Variants in KHDRBS2 observed in about 807,000 individuals in gnomAD.
KHDRBS2 encodes the protein KH RNA binding domain containing, signal transduction associated 2.
In KHDRBS2, 26 loss-of-function variants were observed where a neutral mutation model predicts 44.3. That is an observed-to-expected ratio of 0.59 (90% CI 0.43 to 0.81). KHDRBS2 has a LOEUF of 0.81. KHDRBS2 is among the 40% of genes least tolerant of loss of function. The pLI, the probability that KHDRBS2 is intolerant of heterozygous loss-of-function variation, is 0.00. For synonymous variants in KHDRBS2, 194 were observed against 151.1 expected (o/e 1.28, Z -2.08); for missense variants, 476 against 433.1 (o/e 1.10, Z -0.88).
chr6:62,030,695 C>T (rs1784190802), intron 3 of KHDRBS2, among the ~76,000 whole-genome samples: 1 of 151,970 alleles, frequency 6.6e-6, no homozygotes, highest in African/African-American at 2.4e-5. Context: ...TACTTTCTAA[C>T]TTTCTAAAAA....
chr6:61,703,468 C>A (rs1177018149), intron 7 of KHDRBS2, among the ~76,000 whole-genome samples: 1 of 151,668 alleles, frequency 6.6e-6, no homozygotes, highest in East Asian at 1.9e-4. Context: ...AGGGGGTATT[C>A]TTAAATTTTG....
intron 2 of KHDRBS2, among the ~76,000 whole-genome samples, chr6:62,128,836 T>C (rs1466470292): frequency 2.0e-5 from 3 of 151,984 alleles, no homozygotes; most frequent in Non-Finnish European, 2.9e-5. Flanking sequence ...AGCCAACATA[T>C]AGATTAATAT....
chr6:62,250,180 T>A (rs1054686294), intron 1 of KHDRBS2, among the ~76,000 whole-genome samples: 2 of 152,082 alleles, frequency 1.3e-5, no homozygotes, highest in South Asian at 4.1e-4. Context: ...AGTTCACTTA[T>A]AAAAGAGGAC....
At chr6:62,280,633 T>A (rs1841666827) in intron 1 of KHDRBS2, among the ~76,000 whole-genome samples, 1 of 152,174 alleles carries the variant, frequency 6.6e-6, no homozygotes, top group Non-Finnish European at 1.5e-5. Flanking sequence ...ACTAGTATTA[T>A]CAGAAGTTTG....
intron 6 of KHDRBS2, among the ~76,000 whole-genome samples, chr6:61,763,787 C>T (rs966766856): frequency 2.0e-5 from 3 of 152,074 alleles, no homozygotes; most frequent in Non-Finnish European, 4.4e-5. Context: ...CTCTGCACAA[C>T]TGGGCTGATA....
chr6:61,779,235 T>G (rs1370389643), intron 6 of KHDRBS2, among the ~76,000 whole-genome samples: 1 of 152,164 alleles, frequency 6.6e-6, no homozygotes, highest in Non-Finnish European at 1.5e-5. Flanking sequence ...TATATAGTCT[T>G]TCTTGGATCC....
chr6:61,933,026 C>T (rs764906237), intron 4 of KHDRBS2, among the ~76,000 whole-genome samples: 11 of 152,062 alleles, frequency 7.2e-5, no homozygotes, highest in South Asian at 2.1e-4. Flanking sequence ...AAAGAAATAC[C>T]GGAAACTGGG....
chr6:62,123,551 CCTA>C (rs540837456), intron 2 of KHDRBS2, among the ~76,000 whole-genome samples: 2 of 152,248 alleles, frequency 1.3e-5, no homozygotes, highest in East Asian at 1.9e-4. Flanking sequence ...TTTAATCCTG[CCTA>C]CTGTTTTGTA....
At chr6:62,041,611 G>A (rs1786542420) in intron 3 of KHDRBS2, among the ~76,000 whole-genome samples, 1 of 152,022 alleles carries the variant, frequency 6.6e-6, no homozygotes, top group Admixed American at 6.6e-5. Context: ...GTGACAATGA[G>A]GACAAGTTAC....
chr6:61,785,190 G>C (rs1783607672), intron 6 of KHDRBS2, among the ~76,000 whole-genome samples: 1 of 151,212 alleles, frequency 6.6e-6, no homozygotes, highest in African/African-American at 2.4e-5. Context: ...AAAAAAAACA[G>C]ACAATCAAAG....
chr6:62,170,968 C>A (rs540663234), intron 2 of KHDRBS2, among the ~76,000 whole-genome samples: 2,115 of 119,854 alleles, frequency 0.018, 26 homozygotes, highest in South Asian at 0.029. Context: ...AAAAAAAAAA[C>A]CAACCAAAGG....
At chr6:61,857,572 G>A (rs1468456731) in intron 6 of KHDRBS2, among the ~76,000 whole-genome samples, 4 of 126,610 alleles carry the variant, frequency 3.2e-5, no homozygotes, top group Non-Finnish European at 6.8e-5. Flanking sequence ...TGGAAAATGT[G>A]ATTATTTACT....
At chr6:61,862,080 C>T (rs1797070939) in intron 6 of KHDRBS2, among the ~76,000 whole-genome samples, 1 of 152,046 alleles carries the variant, frequency 6.6e-6, no homozygotes, top group African/African-American at 2.4e-5. Flanking sequence ...TGAGATTTTG[C>T]TAAATTTGCT....
At chr6:62,126,745 C>T (rs1392764160) in intron 2 of KHDRBS2, among the ~76,000 whole-genome samples, 1 of 152,160 alleles carries the variant, frequency 6.6e-6, no homozygotes, top group Non-Finnish European at 1.5e-5. Flanking sequence ...CAAAGTTTTC[C>T]AATCTTCATA....
intron 2 of KHDRBS2, among the ~76,000 whole-genome samples, chr6:62,174,994 T>C (rs1464430101): frequency 6.6e-6 from 1 of 151,588 alleles, no homozygotes; most frequent in Non-Finnish European, 1.5e-5. Context: ...TTCTAAGAAG[T>C]GGAAAATGAA....
chr6:61,677,963 C>A (rs1034470327), downstream of KHDRBS2, among the ~76,000 whole-genome samples: 11 of 151,894 alleles, frequency 7.2e-5, no homozygotes, highest in African/African-American at 2.7e-4. Flanking sequence ...AATCTCCAGG[C>A]TCTCTCATAG....
intron 1 of KHDRBS2, among the ~76,000 whole-genome samples, chr6:62,221,185 G>C (rs1471548862): frequency 6.6e-6 from 1 of 151,634 alleles, no homozygotes; most frequent in South Asian, 2.1e-4. Flanking sequence ...AGGACATTAT[G>C]CTATGTGACA....
intron 6 of KHDRBS2, among the ~76,000 whole-genome samples, chr6:61,882,403 A>G (rs956672242): frequency 6.6e-6 from 1 of 151,978 alleles, no homozygotes; most frequent in Non-Finnish European, 1.5e-5. Context: ...GAAAGATGAA[A>G]AAATAAAAAG....
At chr6:62,128,796 T>TA (rs1562927787) in intron 2 of KHDRBS2, among the ~76,000 whole-genome samples, 2 of 151,906 alleles carry the variant, frequency 1.3e-5, no homozygotes, top group South Asian at 2.1e-4. Context: ...AACGACACAA[T>TA]AAAAAATCAA....
Sources: allele counts gnomAD v4.1 joint callset (sites outside exome capture counted in the v4.1 genomes callset), GRCh38; gene constraint gnomAD v4.1.1; transcripts MANE v1.5; gene names NCBI Gene and HGNC (gene_info 2026-07-23, HGNC 2026-07-21).